TRAPPC9: variants seen among roughly 807,000 people sequenced by gnomAD.
TRAPPC9 encodes the protein trafficking protein particle complex subunit 9, also known as IKK2 binding protein.
A neutral mutation model predicts 124.0 loss-of-function variants in TRAPPC9; 83 were observed. The ratio of observed to expected loss-of-function variants is 0.67; its 90% CI spans 0.56 to 0.80. The LOEUF (loss-of-function observed/expected upper bound fraction) is 0.80. TRAPPC9 is among the 30% of genes least tolerant of loss of function. TRAPPC9 has a pLI of 0.00. For missense variants in TRAPPC9, 1,302 were observed against 1,508.3 expected, an observed-to-expected ratio of 0.86 and a Z score of 2.27; for synonymous variants, 638 against 617.5, an observed-to-expected ratio of 1.03 and a Z score of -0.49.
intron 15 of TRAPPC9, among the ~76,000 whole-genome samples, chr8:140,253,440 G>C (rs768769829): frequency 3.3e-5 from 5 of 152,096 alleles, no homozygotes; most frequent in African/African-American, 4.8e-5. Context: ...ACTTTGAAAG[G>C]CTGAGGCAGG....
intron 17 of TRAPPC9, among the ~76,000 whole-genome samples, chr8:140,081,628 G>A (rs1843826387): frequency 2.0e-5 from 3 of 152,196 alleles, no homozygotes; most frequent in Admixed American, 2.0e-4. Flanking sequence ...TGACAGGCGT[G>A]AGCACTGCGC....
At chr8:140,269,308 G>A (rs59590174) in intron 15 of TRAPPC9, among the ~76,000 whole-genome samples, 9,989 of 151,792 alleles carry the variant, frequency 0.066, 399 homozygotes, top group African/African-American at 0.11. Context: ...TTGGGAGACT[G>A]AGGCGGGCAG....
chr8:140,230,095 C>T (rs534719833), intron 16 of TRAPPC9, among the ~76,000 whole-genome samples: 30 of 152,290 alleles, frequency 2.0e-4, no homozygotes, highest in Admixed American at 1.8e-3. Flanking sequence ...CACACAGCAG[C>T]AAGGCCATCT....
intron 9 of TRAPPC9, among the ~76,000 whole-genome samples, chr8:140,342,075 TC>T (rs1267056987): frequency 1.3e-5 from 2 of 152,200 alleles, no homozygotes; most frequent in Non-Finnish European, 2.9e-5. Context: ...GTTGCCATAT[TC>T]CGGACCAGAA....
chr8:139,865,308 C>T (rs1281375286), intron 21 of TRAPPC9, among the ~76,000 whole-genome samples: 1 of 152,226 alleles, frequency 6.6e-6, no homozygotes, highest in Non-Finnish European at 1.5e-5. Context: ...CTCAACACGC[C>T]TGAGGACTCC....
At chr8:140,234,448 C>A (rs999455818) in intron 16 of TRAPPC9, among the ~76,000 whole-genome samples, 9 of 152,210 alleles carry the variant, frequency 5.9e-5, no homozygotes, top group African/African-American at 2.2e-4. Context: ...TGGTGCCACC[C>A]TGGACGCTGA....
chr8:140,308,742 G>A lies in TRAPPC9; in HGVS notation c.1622+2506C>T, dbSNP rs1270052182. Among the ~76,000 whole-genome samples the A allele has an allele frequency of 4.6e-5, 7 of 152,102 alleles. No homozygotes were observed. The East Asian group carries it at 1.2e-3, about 25-fold the overall frequency. ...CTAAAAATACAAATATTAGCCGGTC[G>A]TGGTGCCATGCGCCTGTAGTCCCAG... On this transcript the variant is annotated intron_variant, in intron 10 of 22. Coordinates refer to ENST00000438773, the MANE Select transcript of TRAPPC9 (RefSeq NM_001160372.4).
chr8:139,970,096 G>T (rs914239576), intron 19 of TRAPPC9, among the ~76,000 whole-genome samples: 7 of 152,154 alleles, frequency 4.6e-5, no homozygotes, highest in African/African-American at 1.7e-4. Context: ...TGTTTTCTAC[G>T]AGACCTCCTC....
chr8:139,902,959 C>G (rs1420937999), intron 20 of TRAPPC9, among the ~76,000 whole-genome samples: 1 of 152,184 alleles, frequency 6.6e-6, no homozygotes, highest in Non-Finnish European at 1.5e-5. Context: ...GCTGGTGAAG[C>G]CCAAATAAAA....
intron 15 of TRAPPC9, among the ~76,000 whole-genome samples, chr8:140,255,713 C>G (rs2064237475): frequency 6.6e-6 from 1 of 152,228 alleles, no homozygotes; most frequent in South Asian, 2.1e-4. Flanking sequence ...GGGTGAAACC[C>G]TGTCTCTACT....
intron 17 of TRAPPC9, among the ~76,000 whole-genome samples, chr8:140,032,623 T>G (rs1840572519): frequency 6.6e-6 from 1 of 152,226 alleles, no homozygotes. Context: ...ACAGCTTACT[T>G]AAACAGTACC....
At chr8:140,278,339 C>G (rs1036751843) in intron 14 of TRAPPC9, among the ~76,000 whole-genome samples, 11 of 152,168 alleles carry the variant, frequency 7.2e-5, no homozygotes, top group Non-Finnish European at 1.5e-4. Context: ...CTCCTGACCT[C>G]AGGTGATCCA....
chr8:140,307,595 G>A (rs537414108), intron 10 of TRAPPC9, among the ~76,000 whole-genome samples: 21 of 152,244 alleles, frequency 1.4e-4, no homozygotes, highest in East Asian at 3.9e-4. Context: ...GACCAAGCAC[G>A]AATTTCTGAC....
intron 21 of TRAPPC9, among the ~76,000 whole-genome samples, chr8:139,854,414 G>A (rs909157524): frequency 5.3e-5 from 8 of 152,246 alleles, no homozygotes; most frequent in South Asian, 2.1e-4. Flanking sequence ...TGCCAGCCAC[G>A]GAAGCTGGGC....
chr8:140,407,247 G>A lies in TRAPPC9; in HGVS notation c.887-1549C>T, dbSNP rs138935870. ...AAGTAGGAGGCCATCTTGGGCCTAT[G>A]TTCTTAACGACAGAAGTGTAGTGCT... On this transcript the variant is annotated intron_variant, in intron 5 of 22. Transcript: ENST00000438773. Among the ~76,000 whole-genome samples, 447 of 152,324 alleles carry A rather than the reference G, an allele frequency of 2.9e-3. 1 individual carries two copies. Among genetic ancestry groups the A allele is most frequent in the African/African-American group, 0.01 (425 of 41,578 alleles).
chr8:139,941,499 G>A (rs1037480981), intron 19 of TRAPPC9, among the ~76,000 whole-genome samples: 1 of 152,120 alleles, frequency 6.6e-6, no homozygotes, highest in African/African-American at 2.4e-5. Flanking sequence ...AGTATGGCAG[G>A]AGGGCAGGCC....
rs149820853 is a variant in TRAPPC9, at chr8:140,361,773, T to C, written c.1352-1580A>G. Among the ~76,000 whole-genome samples, 84 of 152,308 alleles carry C rather than the reference T, an allele frequency of 5.5e-4. No homozygotes were observed. The East Asian group carries it at 0.015, about 28-fold the overall frequency. ...AATCCCCCATTCAGGTATGACTTCC[T>C]GTACCTGAAGACTGTGCGTTACTTA... On this transcript the variant is annotated intron_variant, in intron 8 of 22. Coordinates refer to ENST00000438773, the MANE Select transcript of TRAPPC9 (RefSeq NM_001160372.4).
chr8:140,109,802 A>G (rs77007928), intron 17 of TRAPPC9, among the ~76,000 whole-genome samples: 10,666 of 152,282 alleles, frequency 0.07, 931 homozygotes, highest in African/African-American at 0.21. Context: ...CAGAAGGCAG[A>G]CACAGCCCAG....
intron 20 of TRAPPC9, among the ~76,000 whole-genome samples, chr8:139,898,610 G>T (rs1231241156): frequency 1.3e-5 from 2 of 152,074 alleles, no homozygotes; most frequent in African/African-American, 4.8e-5. Flanking sequence ...TGTGTGTTCA[G>T]CCCACAAAGA....
Sources: gnomAD v4.1 joint callset for allele counts (sites outside exome capture counted in the v4.1 genomes callset) on GRCh38, gnomAD v4.1.1 for gene constraint, MANE v1.5 for transcripts, NCBI Gene and HGNC (gene_info 2026-07-23, HGNC 2026-07-21) for gene names.